The following TYW1B variants were observed in gnomAD, a reference collection of about 807,000 sequenced individuals.
TYW1B encodes the protein S-adenosyl-L-methionine-dependent tRNA 4-demethylwyosine synthase TYW1B.
A neutral mutation model predicts 86.9 loss-of-function variants in TYW1B; 73 were observed. The ratio of observed to expected loss-of-function variants is 0.84; its 90% CI spans 0.70 to 1.02. The LOEUF is 1.02. TYW1B is among the 50% of genes least tolerant of loss of function. The probability of loss-of-function intolerance (pLI) is 0.00; values close to 1 mark genes in which losing one functional copy is unlikely to be tolerated. For missense variants in TYW1B, 637 were observed against 827.4 expected (o/e 0.77, Z 2.82); for synonymous variants, 248 against 292.8 (o/e 0.85, Z 1.56).
At chr7:72,751,412 C>T (rs1437766588) in intron 7 of TYW1B, among the ~76,000 whole-genome samples, 1 of 152,164 alleles carries the variant, frequency 6.6e-6, no homozygotes, top group Non-Finnish European at 1.5e-5. Flanking sequence ...CTGATTCTAT[C>T]TTGTCATCTC....
At chr7:72,703,024 A>ATTTT (rs1248439397) in intron 10 of TYW1B, among the ~76,000 whole-genome samples, 2 of 8,152 alleles carry the variant, frequency 2.5e-4, no homozygotes, top group African/African-American at 7.8e-4. Flanking sequence ...ATATATATAT[A>ATTTT]TATTTTTTTT....
chr7:72,686,239 T>C (rs1442954900), intron 11 of TYW1B, among the ~76,000 whole-genome samples: 3 of 152,156 alleles, frequency 2.0e-5, no homozygotes, highest in Non-Finnish European at 2.9e-5. Context: ...AAAATTTATA[T>C]TCAAACACAA....
intron 8 of TYW1B, among the ~76,000 whole-genome samples, chr7:72,738,439 T>C (rs1787239278): frequency 2.0e-5 from 3 of 152,138 alleles, no homozygotes; most frequent in African/African-American, 7.2e-5. Flanking sequence ...ACTGAAATAG[T>C]GACTGTAGAC....
intron 12 of TYW1B, among the ~76,000 whole-genome samples, chr7:72,618,970 C>A (rs532040729): frequency 6.6e-6 from 1 of 152,186 alleles, no homozygotes; most frequent in African/African-American, 2.4e-5. Flanking sequence ...TTGCTGACGT[C>A]ACAGCCCGAA....
intron 13 of TYW1B, among the ~76,000 whole-genome samples, chr7:72,609,642 CCT>C (rs782351867): frequency 9.7e-4 from 147 of 152,166 alleles, no homozygotes; most frequent in Non-Finnish European, 1.3e-3. Flanking sequence ...ATGATTTGGA[CCT>C]CTCTGGTTTC....
At chr7:72,691,882 A>C (rs1257205413) in intron 11 of TYW1B, among the ~76,000 whole-genome samples, 3 of 152,180 alleles carry the variant, frequency 2.0e-5, no homozygotes, top group Admixed American at 6.5e-5. Context: ...GTACTTTACA[A>C]ATCTCTGTTG....
At position 72,790,858 on chromosome 7, in the gene TYW1B, C is replaced by G. The variant is rs569395648; in HGVS notation, c.846+11542G>C. 5.9e-5 allele frequency among the ~76,000 whole-genome samples: 9 copies of G among 152,366 alleles called. No homozygotes were observed. In the South Asian group the frequency reaches 1.9e-3, roughly 32 times the overall value. On this transcript the variant is annotated intron_variant, in intron 6 of 13. Coordinates refer to ENST00000620995, the MANE Select transcript of TYW1B (RefSeq NM_001145440.3). ...CTCCAGTGAGTGACTCCAGCAAGTG[C>G]GGTCACCTCTCCCTTGAGGGTCTGG...
At chr7:72,755,459 A>G (rs1787570641) in intron 7 of TYW1B, among the ~76,000 whole-genome samples, 1 of 151,814 alleles carries the variant, frequency 6.6e-6, no homozygotes, top group Admixed American at 6.6e-5. Flanking sequence ...GCAGATCATG[A>G]GAGTCCAGGA....
chr7:72,803,411 T>C (rs782743361), intron 5 of TYW1B, among the ~76,000 whole-genome samples: 2 of 152,130 alleles, frequency 1.3e-5, no homozygotes, highest in Non-Finnish European at 2.9e-5. Flanking sequence ...ACACATTTGC[T>C]GAGTATCTAC....
chr7:72,683,150 G>A (rs1289371685), intron 11 of TYW1B, among the ~76,000 whole-genome samples: 1 of 152,072 alleles, frequency 6.6e-6, no homozygotes, highest in Non-Finnish European at 1.5e-5. Context: ...AGCCAGCGCC[G>A]GCCTTCCATG....
chr7:72,700,092 A>G (rs1299414911), intron 10 of TYW1B, among the ~76,000 whole-genome samples: 1 of 149,490 alleles, frequency 6.7e-6, no homozygotes, highest in Non-Finnish European at 1.5e-5. Context: ...TTTTGGGCAC[A>G]TGGGATAAGA....
At chr7:72,756,901 T>G (rs1256537935) in intron 7 of TYW1B, among the ~76,000 whole-genome samples, 1 of 152,276 alleles carries the variant, frequency 6.6e-6, no homozygotes, top group East Asian at 1.9e-4. Context: ...TCAACATCAC[T>G]GGTTGTTAGG....
intron 6 of TYW1B, among the ~76,000 whole-genome samples, chr7:72,779,440 G>A (rs571527647): frequency 9.2e-5 from 14 of 152,420 alleles, no homozygotes; most frequent in African/African-American, 3.4e-4. Context: ...CACGTGGCCG[G>A]GCACGTTGGC....
intron 11 of TYW1B, among the ~76,000 whole-genome samples, chr7:72,629,607 T>G (rs563013671): frequency 6.6e-6 from 1 of 152,264 alleles, no homozygotes; most frequent in Non-Finnish European, 1.5e-5. Context: ...AGTGCAGTGG[T>G]GCAATCATAA....
chr7:72,717,826 G>C (rs1242532367), intron 9 of TYW1B, among the ~76,000 whole-genome samples: 3 of 152,080 alleles, frequency 2.0e-5, no homozygotes, highest in African/African-American at 7.2e-5. Flanking sequence ...AGTCAGAATG[G>C]CTATTATTAG....
At chr7:72,796,843 T>C (rs1554474527) in intron 6 of TYW1B, among the ~76,000 whole-genome samples, 1 of 151,456 alleles carries the variant, frequency 6.6e-6, no homozygotes, top group Non-Finnish European at 1.5e-5. Flanking sequence ...AGAATATATC[T>C]GGGCCAGTCA....
chr7:72,714,990 G>A (rs1585924201), intron 9 of TYW1B, among the ~76,000 whole-genome samples: 9 of 152,286 alleles, frequency 5.9e-5, no homozygotes, highest in Admixed American at 5.2e-4. Flanking sequence ...GTGCAAGGCT[G>A]GGCAATAAGT....
chr7:72,655,417 G>A (rs1813176106), intron 11 of TYW1B, among the ~76,000 whole-genome samples: 2 of 152,108 alleles, frequency 1.3e-5, no homozygotes, highest in Admixed American at 6.5e-5. Context: ...TCACAGCACC[G>A]TATTGAGCTC....
At chr7:72,639,192 A>T (rs1299031777) in intron 11 of TYW1B, among the ~76,000 whole-genome samples, 1 of 152,100 alleles carries the variant, frequency 6.6e-6, no homozygotes, top group African/African-American at 2.4e-5. Flanking sequence ...ATGCATTAAA[A>T]TGCATTGTTA....
Sources: gnomAD v4.1 joint callset for allele counts (sites outside exome capture counted in the v4.1 genomes callset) on GRCh38, gnomAD v4.1.1 for gene constraint, MANE v1.5 for transcripts, NCBI Gene and HGNC (gene_info 2026-07-23, HGNC 2026-07-21) for gene names.